The following C10orf90 variants were observed in gnomAD, a reference collection of about 807,000 sequenced individuals.
C10orf90 encodes the protein chromosome 10 open reading frame 90.
In C10orf90, 56 loss-of-function variants were observed where a neutral mutation model predicts 62.5. That is an observed-to-expected ratio of 0.90 (90% CI 0.72 to 1.12). C10orf90 has a LOEUF of 1.12. C10orf90 is among the 50% of genes most tolerant of loss of function. The pLI, the probability that C10orf90 is intolerant of heterozygous loss-of-function variation, is 0.00. For missense variants in C10orf90, 970 were observed against 880.4 expected, an observed-to-expected ratio of 1.10 and a Z score of -1.29; for synonymous variants, 386 against 340.4, an observed-to-expected ratio of 1.13 and a Z score of -1.47.
chr10:126,486,465 A>C (rs2133819895), intron 4 of C10orf90, among the ~76,000 whole-genome samples: 1 of 152,360 alleles, frequency 6.6e-6, no homozygotes. Flanking sequence ...AAGTCAGTAG[A>C]GACACCAAAC....
chr10:126,501,577 G>A (rs567896008), intron 4 of C10orf90, among the ~76,000 whole-genome samples: 9 of 152,138 alleles, frequency 5.9e-5, no homozygotes, highest in Admixed American at 2.6e-4. Flanking sequence ...ATGGGACCTC[G>A]AAAACACCCA....
At chr10:126,541,957 G>A (rs963868107) in intron 2 of C10orf90, among the ~76,000 whole-genome samples, 3 of 152,152 alleles carry the variant, frequency 2.0e-5, no homozygotes, top group African/African-American at 7.2e-5. Flanking sequence ...ATAAATTGTT[G>A]TACATACATT....
At chr10:126,511,310 A>G (rs911954835) in intron 3 of C10orf90, among the ~76,000 whole-genome samples, 4 of 152,360 alleles carry the variant, frequency 2.6e-5, no homozygotes, top group Non-Finnish European at 1.5e-5. Context: ...AGTGTGATAT[A>G]GAGCAGTGAG....
chr10:126,645,985 A>G (rs1441290960), intron 2 of C10orf90, among the ~76,000 whole-genome samples: 1 of 152,176 alleles, frequency 6.6e-6, no homozygotes, highest in Non-Finnish European at 1.5e-5. Flanking sequence ...TAGTCGATTA[A>G]CCCAGTAGTC....
chr10:126,432,900 G>A (rs937804058), intron 7 of C10orf90, among the ~76,000 whole-genome samples: 5 of 152,186 alleles, frequency 3.3e-5, no homozygotes, highest in African/African-American at 1.2e-4. Context: ...ATCCTGTTAA[G>A]GAGTTGCCTT....
At chr10:126,479,508 G>A (rs1490140526) in intron 4 of C10orf90, among the ~76,000 whole-genome samples, 1 of 152,156 alleles carries the variant, frequency 6.6e-6, no homozygotes, top group Non-Finnish European at 1.5e-5. Flanking sequence ...CTGAGCTCCT[G>A]CGAGGCCCTG....
At chr10:126,663,440 G>A (rs1202865437) in intron 1 of C10orf90, among the ~76,000 whole-genome samples, 1 of 152,222 alleles carries the variant, frequency 6.6e-6, no homozygotes, top group Non-Finnish European at 1.5e-5. Context: ...TGTGCAGCCT[G>A]CACCATCTCT....
At chr10:126,573,196 G>A (rs556651214) in intron 2 of C10orf90, among the ~76,000 whole-genome samples, 2 of 152,240 alleles carry the variant, frequency 1.3e-5, no homozygotes, top group South Asian at 2.1e-4. Context: ...GGTCGTGATC[G>A]ATTGAGCAAG....
At chr10:126,569,636 G>A (rs1232238426) in intron 2 of C10orf90, among the ~76,000 whole-genome samples, 1 of 152,224 alleles carries the variant, frequency 6.6e-6, no homozygotes, top group African/African-American at 2.4e-5. Flanking sequence ...TGAACAGAAA[G>A]AGGGTGTGTC....
rs746705674 is a variant in C10orf90, at chr10:126,544,544, GT to G, written c.314-30606del. Among the ~76,000 whole-genome samples, 1,006 of 147,632 alleles carry G rather than the reference GT, an allele frequency of 6.8e-3. 12 individuals are homozygous for G. Among genetic ancestry groups the G allele is most frequent in the African/African-American group, 0.021 (846 of 40,316 alleles). On this transcript the variant is annotated intron_variant, in intron 2 of 9. Coordinates refer to ENST00000488181, the MANE Select transcript of C10orf90 (RefSeq NM_001350921.2). ...CCAAGCAAGAAAGTGCATGTGAGAG[GT>G]TTTTTTTTTTCCTTTCCATCGAAAG...
intron 2 of C10orf90, among the ~76,000 whole-genome samples, chr10:126,628,417 A>G (rs1345026475): frequency 6.6e-6 from 1 of 152,138 alleles, no homozygotes; most frequent in Non-Finnish European, 1.5e-5. Flanking sequence ...GAATGGATAA[A>G]AAGATGAAAA....
intron 2 of C10orf90, among the ~76,000 whole-genome samples, chr10:126,616,981 A>T (rs2133810257): frequency 6.6e-6 from 1 of 152,246 alleles, no homozygotes; most frequent in Non-Finnish European, 1.5e-5. Context: ...ACAACGGGAG[A>T]CAAAAATTCC....
chr10:126,573,564 C>T (rs2134006491), intron 2 of C10orf90, among the ~76,000 whole-genome samples: 1 of 152,290 alleles, frequency 6.6e-6, no homozygotes, highest in African/African-American at 2.4e-5. Flanking sequence ...GACCCCTGTC[C>T]AGTAGCACTT....
intron 2 of C10orf90, among the ~76,000 whole-genome samples, chr10:126,576,732 ATGT>A (rs879286116): frequency 0.046 from 2,216 of 47,656 alleles, 24 homozygotes; most frequent in African/African-American, 0.079. Flanking sequence ...ATACATATAT[ATGT>A]ATATGTATAT....
rs547236692 is a variant in C10orf90 at position 126,670,231 on chromosome 10, T to G, written c.240+10A>C. 2.2e-6 allele frequency: 1 copy of G among 456,454 alleles called. No homozygotes were observed. Among genetic ancestry groups the G allele is most frequent in the Non-Finnish European group, 4.4e-6 (1 of 226,862 alleles). 28.3% of individuals were successfully genotyped at this position (456,454 alleles called of 1,614,324 possible). On this transcript the variant is annotated intron_variant, in intron 1 of 9. Transcript: ENST00000488181. ...CGTGTACCCACTCACCCACCCAGGC[T>G]CAGCCATACCTCATATCTGCTGGCT...
chr10:126,608,610 T>C (rs1419943739), intron 2 of C10orf90, among the ~76,000 whole-genome samples: 5 of 152,228 alleles, frequency 3.3e-5, no homozygotes, highest in Non-Finnish European at 7.3e-5. Context: ...ACCTGAGTGA[T>C]GTCTGATTTT....
chr10:126,620,117 T>C (rs2133814554), intron 2 of C10orf90, among the ~76,000 whole-genome samples: 1 of 152,314 alleles, frequency 6.6e-6, no homozygotes, highest in South Asian at 2.1e-4. Context: ...GAGTCCTCAA[T>C]TTTAATTAAA....
intron 2 of C10orf90, among the ~76,000 whole-genome samples, chr10:126,596,229 G>A (rs142339639): frequency 0.013 from 2,014 of 151,586 alleles, 36 homozygotes; most frequent in African/African-American, 0.045. Context: ...CTTGAGCCCT[G>A]GAGGTCAAGG....
intron 4 of C10orf90, among the ~76,000 whole-genome samples, chr10:126,473,915 C>T (rs541150753): frequency 2.0e-4 from 31 of 152,092 alleles, no homozygotes; most frequent in Middle Eastern, 6.8e-3. Context: ...GCTACTGCTC[C>T]AGGAACCATA....
Sources: gnomAD v4.1 joint callset for allele counts (sites outside exome capture counted in the v4.1 genomes callset) on GRCh38, gnomAD v4.1.1 for gene constraint, MANE v1.5 for transcripts, NCBI Gene and HGNC (gene_info 2026-07-23, HGNC 2026-07-21) for gene names.